The following ADGRL2 variants were observed in gnomAD, a reference collection of about 807,000 sequenced individuals.
ADGRL2 encodes calcium-independent alpha-latrotoxin receptor 2.
ADGRL2 carries 44 observed loss-of-function variants against 157.4 expected under a neutral mutation model. The ratio of observed to expected loss-of-function variants is 0.28; its 90% confidence interval spans 0.22 to 0.36. The LOEUF (loss-of-function observed/expected upper bound fraction) is 0.36, where lower values mean the gene tolerates loss of function less well. Among genes scored for constraint, ADGRL2 ranks in the 10% least tolerant of loss-of-function variants. The probability of loss-of-function intolerance (pLI) is 1.00; values close to 1 mark genes in which losing one functional copy is unlikely to be tolerated. For synonymous variants in ADGRL2, 585 were observed against 624.7 expected (o/e 0.94, Z 0.95); for missense variants, 1,510 against 1,768.9 (o/e 0.85, Z 2.63).
chr1:81,987,901 C>T lies in ADGRL2; in HGVS notation c.3655+15C>T, dbSNP rs761363914. The stretch of plus-strand genomic sequence containing the variant: ...CAGAGAGACAAGTATGGGAGTAAAA[C>T]TTAACTTTGCCTATCAAATGTAAAT... On this transcript the variant is annotated intron_variant, in intron 23 of 23. Coordinates refer to ENST00000686636, the MANE Select transcript of ADGRL2 (RefSeq NM_001366006.2). 6.2e-6 allele frequency: 2 copies of T among 324,710 alleles called. No homozygotes were observed. Among genetic ancestry groups the T allele is most frequent in the South Asian group, 6.0e-5 (2 of 33,358 alleles). The allele number at this position is 324,710 out of a possible 1,614,324, so 20.1% of individuals were successfully genotyped here.
chr1:81,844,642 T>C (rs924835423), intron 2 of ADGRL2, among the ~76,000 whole-genome samples: 3 of 152,124 alleles, frequency 2.0e-5, no homozygotes, highest in Non-Finnish European at 4.4e-5. Context: ...AGACATCAAT[T>C]TGGATTAGTG....
chr1:81,501,866 G>C, intron 2 of ADGRL2: 1 of 1,599,998 alleles, frequency 6.3e-7, no homozygotes, highest in African/African-American at 1.3e-5. Flanking sequence ...GGATGCCAGA[G>C]AGAAGCAGGG....
chr1:81,670,055 G>T (rs540576780), intron 3 of ADGRL2, among the ~76,000 whole-genome samples: 1 of 152,012 alleles, frequency 6.6e-6, no homozygotes, highest in East Asian at 1.9e-4. Context: ...GACACAGTGT[G>T]TAAGGAAAGT....
chr1:81,554,989 AG>A (rs1224341095), intron 2 of ADGRL2, among the ~76,000 whole-genome samples: 1 of 152,090 alleles, frequency 6.6e-6, no homozygotes, highest in African/African-American at 2.4e-5. Flanking sequence ...AAGAGATAAA[AG>A]TCCTGTGCCC....
rs149622605 is a variant in ADGRL2, at chr1:81,418,490, G to A, written c.-301-26546G>A. 9.7e-3 allele frequency among the ~76,000 whole-genome samples: 1,475 copies of A among 152,270 alleles called. 9 individuals are homozygous for A. Among genetic ancestry groups the A allele is most frequent in the Non-Finnish European group, 0.016 (1,062 of 68,020 alleles). On this transcript the variant is annotated intron_variant, in intron 1 of 24. Transcript: ENST00000370721. ...TTCCAGGCCGAGTGTGGTGGCTCAC[G>A]CCTGTAATCCCAGCACTTTGGGAGG... is the stretch of plus-strand genomic sequence containing the variant.
intron 1 of ADGRL2, among the ~76,000 whole-genome samples, chr1:81,391,028 A>C (rs1217612683): frequency 1.3e-5 from 2 of 152,304 alleles, no homozygotes; most frequent in African/African-American, 2.4e-5. Flanking sequence ...GAAGATCCTC[A>C]CACTAAAACC....
At chr1:81,558,543 G>A (rs1010730551) in intron 2 of ADGRL2, among the ~76,000 whole-genome samples, 4 of 152,042 alleles carry the variant, frequency 2.6e-5, no homozygotes, top group Non-Finnish European at 5.9e-5. Flanking sequence ...GAGAATTTGA[G>A]TGCAGACATT....
chr1:81,671,263 A>C (rs938030576), intron 3 of ADGRL2, among the ~76,000 whole-genome samples: 1 of 152,196 alleles, frequency 6.6e-6, no homozygotes, highest in Non-Finnish European at 1.5e-5. Flanking sequence ...GCTCCAGGCC[A>C]TTTGGACAGG....
chr1:81,320,867 C>A (rs1371733678), intron 1 of ADGRL2, among the ~76,000 whole-genome samples: 1 of 152,224 alleles, frequency 6.6e-6, no homozygotes, highest in Non-Finnish European at 1.5e-5. Context: ...AACTTAAAGT[C>A]ATCAGTTGCT....
intron 2 of ADGRL2, among the ~76,000 whole-genome samples, chr1:81,895,148 G>A (rs554201776): frequency 1.3e-5 from 2 of 152,214 alleles, no homozygotes; most frequent in Non-Finnish European, 2.9e-5. Context: ...TTCGGATTCA[G>A]AGAAATGAGT....
At chr1:81,576,148 A>G (rs1337337270) in intron 2 of ADGRL2, among the ~76,000 whole-genome samples, 2 of 152,098 alleles carry the variant, frequency 1.3e-5, no homozygotes, top group Non-Finnish European at 2.9e-5. Flanking sequence ...TACACACAAC[A>G]TGAAGTGGTG....
At chr1:81,532,031 C>A (rs929815486) in intron 2 of ADGRL2, among the ~76,000 whole-genome samples, 5 of 152,168 alleles carry the variant, frequency 3.3e-5, no homozygotes, top group Non-Finnish European at 5.9e-5. Context: ...GGAATTAAAA[C>A]TAAATTCGAA....
intron 3 of ADGRL2, among the ~76,000 whole-genome samples, chr1:81,582,242 A>G (rs959790524): frequency 6.6e-5 from 10 of 151,986 alleles, no homozygotes; most frequent in African/African-American, 2.4e-4. Context: ...TTTTTTAGTT[A>G]AAAATATGTT....
At chr1:81,686,830 T>C (rs1383136054) in intron 3 of ADGRL2, among the ~76,000 whole-genome samples, 1 of 152,180 alleles carries the variant, frequency 6.6e-6, no homozygotes, top group Non-Finnish European at 1.5e-5. Context: ...TTTGATAAGT[T>C]GTATCATAAT....
At position 81,917,851 on chromosome 1, in the gene ADGRL2, G is replaced by A. The variant is rs549756547; in HGVS notation, c.287+10621G>A. On this transcript the variant is annotated intron_variant, in intron 3 of 23. Coordinates refer to ENST00000686636, the MANE Select transcript of ADGRL2 (RefSeq NM_001366006.2). ...CTCTGTCTCTAAAGATAGATTCATGGTAAACCCATGAAGGTAATGAATCTT... is the reference window on the plus strand; with the variant it reads ...CTCTGTCTCTAAAGATAGATTCATGATAAACCCATGAAGGTAATGAATCTT... Among the ~76,000 whole-genome samples, 47 of 146,010 alleles carry A rather than the reference G, an allele frequency of 3.2e-4. 1 individual carries two copies. Among genetic ancestry groups the A allele is most frequent in the African/African-American group, 1.1e-3 (45 of 40,542 alleles).
At chr1:81,820,599 A>G (rs1484889427) in intron 1 of ADGRL2, among the ~76,000 whole-genome samples, 2 of 151,166 alleles carry the variant, frequency 1.3e-5, no homozygotes, top group South Asian at 2.1e-4. Flanking sequence ...AAGATTTTCT[A>G]TTTTTTAAAT....
chr1:81,804,836 G>A (rs2088862311), intron 1 of ADGRL2, among the ~76,000 whole-genome samples: 1 of 152,190 alleles, frequency 6.6e-6, no homozygotes, highest in Non-Finnish European at 1.5e-5. Context: ...TTTTTAATTA[G>A]TCTCTAAAAC....
In ADGRL2 at chr1:81,867,565, G is replaced by C. The variant is rs542538500; in HGVS notation, c.73+30508G>C. Among the ~76,000 whole-genome samples, 4 of 152,244 alleles carry C rather than the reference G, an allele frequency of 2.6e-5. No individual in the cohort carries two copies. The South Asian group carries it at 8.3e-4, about 32-fold the overall frequency. ...CTTGAAAATATTTAGTTAAATTACT[G>C]TGCAAAATAATGTCTGATTATCTGT... On this transcript the variant is annotated intron_variant, in intron 2 of 23. Coordinates refer to ENST00000686636, the MANE Select transcript of ADGRL2 (RefSeq NM_001366006.2).
chr1:81,624,726 T>C (rs897322754), intron 3 of ADGRL2, among the ~76,000 whole-genome samples: 2 of 152,180 alleles, frequency 1.3e-5, no homozygotes, highest in African/African-American at 2.4e-5. Flanking sequence ...AAAATAGGCA[T>C]ATATGGAGAA....
Sources: allele counts gnomAD v4.1 joint callset (sites outside exome capture counted in the v4.1 genomes callset), GRCh38; gene constraint gnomAD v4.1.1; transcripts MANE v1.5; gene names NCBI Gene and HGNC (gene_info 2026-07-23, HGNC 2026-07-21).